KANSL1: variants seen among roughly 807,000 people sequenced by gnomAD.
KANSL1 encodes KAT8 regulatory NSL complex subunit 1, also known as MLL1/MLL complex subunit KANSL1.
A neutral mutation model predicts 103.6 loss-of-function variants in KANSL1; 22 were observed. The observed-to-expected ratio is 0.21, with a 90% CI of 0.15 to 0.30. KANSL1 has a LOEUF of 0.30. Among genes scored for constraint, KANSL1 ranks in the 10% least tolerant of loss-of-function variants. The probability of loss-of-function intolerance (pLI) is 1.00; values close to 1 mark genes in which losing one functional copy is unlikely to be tolerated. For missense variants in KANSL1, 1,337 were observed against 1,399.8 expected, an observed-to-expected ratio of 0.96 and a Z score of 0.72; for synonymous variants, 600 against 527.6, an observed-to-expected ratio of 1.14 and a Z score of -1.88.
intron 6 of KANSL1, among the ~76,000 whole-genome samples, chr17:46,054,152 A>C (rs2146522973): frequency 6.6e-6 from 1 of 152,170 alleles, no homozygotes; most frequent in African/African-American, 2.4e-5. Context: ...TCCTGGGCTC[A>C]AGAGATTCTT....
At chr17:46,097,604 T>C (rs1357671806) in intron 2 of KANSL1, among the ~76,000 whole-genome samples, 4 of 152,242 alleles carry the variant, frequency 2.6e-5, no homozygotes, top group Non-Finnish European at 5.9e-5. Context: ...ACATTAACAT[T>C]GTTTAAATAT....
chr17:46,148,777 G>C (rs1021794484), intron 2 of KANSL1, among the ~76,000 whole-genome samples: 2 of 151,282 alleles, frequency 1.3e-5, no homozygotes, highest in Non-Finnish European at 2.9e-5. Flanking sequence ...GTAGCGACAG[G>C]GTTTAACCAT....
intron 4 of KANSL1, among the ~76,000 whole-genome samples, chr17:46,081,529 G>C (rs1228186438): frequency 6.6e-6 from 1 of 152,148 alleles, no homozygotes; most frequent in East Asian, 1.9e-4. Context: ...TTTATCTCTA[G>C]CAACAGTGGC....
At chr17:46,059,079 A>T (rs1282199756) in intron 6 of KANSL1, among the ~76,000 whole-genome samples, 1 of 151,986 alleles carries the variant, frequency 6.6e-6, no homozygotes, top group East Asian at 1.9e-4. Flanking sequence ...AGAAAAAAAA[A>T]AGAGCAGAGC....
chr17:46,136,163 A>AGGGTCAT (rs2044131100), intron 2 of KANSL1, among the ~76,000 whole-genome samples: 2 of 152,150 alleles, frequency 1.3e-5, no homozygotes, highest in South Asian at 4.1e-4. Flanking sequence ...CTAATCAAAC[A>AGGGTCAT]GGGTCATGTA....
intron 4 of KANSL1, among the ~76,000 whole-genome samples, chr17:46,081,926 T>C (rs1028929902): frequency 1.3e-5 from 2 of 152,072 alleles, no homozygotes; most frequent in Non-Finnish European, 2.9e-5. Flanking sequence ...TTAACTATGG[T>C]ATTGAGAGAA....
Position 46,052,964 on chromosome 17 carries a change from C to CA in KANSL1, c.1849-2261dup, listed in dbSNP as rs34473927. Among the ~76,000 whole-genome samples the CA allele has an allele frequency of 4.2e-4, 14 of 33,002 alleles. 2 individuals carry two copies. The highest frequency in any genetic ancestry group is 5.8e-4 in the Non-Finnish European group (10 of 17,132). 21.7% of individuals were successfully genotyped at this position (33,002 alleles called of 152,430 possible). ...GGGAAAAAGAGTAAGATCCTGTCTC[C>CA]AAAAAAAAAAAAAAAAAAAAAAAAA... On this transcript the variant is annotated intron_variant, in intron 6 of 14. Coordinates refer to ENST00000432791, the MANE Select transcript of KANSL1 (RefSeq NM_015443.4).
chr17:46,114,463 A>T (rs1473988936), intron 2 of KANSL1, among the ~76,000 whole-genome samples: 1 of 152,242 alleles, frequency 6.6e-6, no homozygotes, highest in Non-Finnish European at 1.5e-5. Flanking sequence ...AGATTCCCTA[A>T]CATGCAGAAC....
intron 10 of KANSL1, 37 bp from the exon 11 acceptor site, chr17:46,034,322 A>G (rs1200127541): frequency 1.2e-6 from 2 of 1,609,062 alleles, no homozygotes; most frequent in Admixed American, 1.7e-5. Flanking sequence ...GGAAGGTACA[A>G]TTTTACAGAC....
rs1372904413 is a variant in KANSL1, at chr17:46,193,040, G to A, written c.-307C>T. 2 of 153,208 alleles carry A rather than the reference G, an allele frequency of 1.3e-5. No individual in the cohort carries two copies. The highest frequency in any genetic ancestry group is 1.9e-4 in the East Asian group (1 of 5,134). The allele number at this position is 153,208 out of a possible 1,614,324, so 9.5% of individuals were successfully genotyped here. A position where few individuals can be genotyped will look rare whatever the true frequency, so the allele number is the denominator to read the frequency against. Reference sequence around the variant, plus strand: ...CAGAGGGGGAGGGGAAGGCGGCGGCGGGGAGCGGCTGCTTTTTCTTCTCTT... The same window carrying A: ...CAGAGGGGGAGGGGAAGGCGGCGGCAGGGAGCGGCTGCTTTTTCTTCTCTT... On this transcript the variant is annotated 5_prime_UTR_variant, in exon 1 of 15. Coordinates refer to ENST00000432791, the MANE Select transcript of KANSL1 (RefSeq NM_015443.4).
At chr17:46,040,142 T>G in intron 7 of KANSL1, 1 of 423,362 alleles carries the variant, frequency 2.4e-6, no homozygotes, top group African/African-American at 2.0e-5. Context: ...GATGGAGTTT[T>G]TGTTCTTGTA....
Position 46,031,162 on chromosome 17 carries a change from T to G in KANSL1, c.*314A>C. 2 of 402,954 alleles carry G rather than the reference T, an allele frequency of 5.0e-6. No homozygotes were observed. The highest frequency in any genetic ancestry group is 9.1e-6 in the Non-Finnish European group (2 of 219,518). The allele number at this position is 402,954 out of a possible 1,614,324, so 25.0% of individuals were successfully genotyped here. On this transcript the variant is annotated 3_prime_UTR_variant, in exon 15 of 15. Transcript: ENST00000432791. ...CTGCCCACAGGTGTGAGGGAGGGGG[T>G]GGTCATCTAAGATCAGTAAGTCCAG... is the stretch of plus-strand genomic sequence containing the variant.
At chr17:46,054,154 G>A (rs2077830373) in intron 6 of KANSL1, among the ~76,000 whole-genome samples, 1 of 152,038 alleles carries the variant, frequency 6.6e-6, no homozygotes, top group Admixed American at 6.6e-5. Context: ...CTGGGCTCAA[G>A]AGATTCTTCT....
chr17:46,134,647 C>A (rs1305947631), intron 2 of KANSL1, among the ~76,000 whole-genome samples: 1 of 152,080 alleles, frequency 6.6e-6, no homozygotes, highest in Non-Finnish European at 1.5e-5. Flanking sequence ...CAAGACCAGC[C>A]TGGCCAACAT....
chr17:46,218,173 G>A (rs2048399679), intron 1 of KANSL1, among the ~76,000 whole-genome samples: 1 of 152,250 alleles, frequency 6.6e-6, no homozygotes. Context: ...CTAGCCTCCA[G>A]AACAGGGAGA....
chr17:46,183,180 T>C (rs535383846), intron 1 of KANSL1, among the ~76,000 whole-genome samples: 21 of 152,268 alleles, frequency 1.4e-4, no homozygotes, highest in Admixed American at 3.3e-4. Context: ...GTATTTCCAG[T>C]TACTCAGGAG....
chr17:46,178,222 G>T (rs974195858), intron 1 of KANSL1, among the ~76,000 whole-genome samples: 1 of 152,014 alleles, frequency 6.6e-6, no homozygotes, highest in African/African-American at 2.4e-5. Flanking sequence ...GAGAAGCTCA[G>T]GGCTAAAGGA....
chr17:46,094,766 G>T, intron 2 of KANSL1, 65 bp from the exon 3 acceptor site: 2 of 1,591,652 alleles, frequency 1.3e-6, no homozygotes, highest in Non-Finnish European at 8.6e-7. Context: ...ATTGGGGGGT[G>T]GGGAGTGGAA....
chr17:46,031,428 G>C lies in KANSL1; in HGVS notation c.*48C>G, dbSNP rs1229182895. ...AATATCAAACGCAGAGATTTCTGAA[G>C]CTTTAATGCCAATAGTTAGTGAGTC... On this transcript the variant is annotated 3_prime_UTR_variant, in exon 15 of 15. Coordinates refer to ENST00000432791, the MANE Select transcript of KANSL1 (RefSeq NM_015443.4). The C allele has an allele frequency of 1.3e-6, 2 of 1,493,328 alleles. No homozygotes were observed. Among genetic ancestry groups the C allele is most frequent in the African/African-American group, 2.8e-5 (2 of 72,566 alleles). 92.5% of individuals were successfully genotyped at this position (1,493,328 alleles called of 1,614,324 possible).
Sources: allele counts gnomAD v4.1 joint callset (sites outside exome capture counted in the v4.1 genomes callset), GRCh38; gene constraint gnomAD v4.1.1; transcripts MANE v1.5; gene names NCBI Gene and HGNC (gene_info 2026-07-23, HGNC 2026-07-21).